EYA2: variants seen among roughly 807,000 people sequenced by gnomAD.
EYA2 encodes the protein EYA transcriptional coactivator and phosphatase 2, also known as protein phosphatase EYA2.
A neutral mutation model predicts 69.2 loss-of-function variants in EYA2; 31 were observed. That is an observed-to-expected ratio of 0.45 (90% CI 0.34 to 0.60). EYA2 has a LOEUF of 0.60. Ranked by LOEUF, EYA2 falls within the 20% of genes least tolerant of loss-of-function variation. The pLI, the probability that EYA2 is intolerant of heterozygous loss-of-function variation, is 0.02. For missense variants in EYA2, 622 were observed against 701.2 expected (o/e 0.89, Z 1.28); for synonymous variants, 257 against 279.4 (o/e 0.92, Z 0.80).
At chr20:47,090,134 T>C (rs1369424878) in intron 8 of EYA2, among the ~76,000 whole-genome samples, 1 of 151,934 alleles carries the variant, frequency 6.6e-6, no homozygotes, top group Non-Finnish European at 1.5e-5. Context: ...TCCTATTCCC[T>C]GAGGGTAGAA....
At chr20:47,042,841 A>G (rs958580424) in intron 5 of EYA2, among the ~76,000 whole-genome samples, 2 of 152,222 alleles carry the variant, frequency 1.3e-5, no homozygotes, top group African/African-American at 2.4e-5. Flanking sequence ...AGAAGGAGCA[A>G]TGCCACAATC....
intron 4 of EYA2, among the ~76,000 whole-genome samples, chr20:47,011,175 G>A (rs973365628): frequency 6.6e-6 from 1 of 152,168 alleles, no homozygotes; most frequent in South Asian, 2.1e-4. Flanking sequence ...CAACATTGAA[G>A]ATGGGGAAGC....
At chr20:47,079,563 C>T (rs376701098) in intron 7 of EYA2, among the ~76,000 whole-genome samples, 1 of 152,136 alleles carries the variant, frequency 6.6e-6, no homozygotes, top group Non-Finnish European at 1.5e-5. Flanking sequence ...CTCCCCATCT[C>T]GAAGTCCTTA....
chr20:46,941,757 T>C (rs1986163141), intron 1 of EYA2, among the ~76,000 whole-genome samples: 1 of 152,056 alleles, frequency 6.6e-6, no homozygotes, highest in Non-Finnish European at 1.5e-5. Context: ...ACATGGGTTC[T>C]TTTTTCTTTT....
At chr20:46,970,337 G>A (rs1437329794) in intron 1 of EYA2, among the ~76,000 whole-genome samples, 1 of 152,160 alleles carries the variant, frequency 6.6e-6, no homozygotes, top group African/African-American at 2.4e-5. Flanking sequence ...TAAAAATAGA[G>A]GAGAGGTTCT....
At chr20:46,965,756 G>A (rs4809607) in intron 1 of EYA2, among the ~76,000 whole-genome samples, 35,138 of 152,234 alleles carry the variant, frequency 0.23, 4,498 homozygotes, top group Admixed American at 0.4. Flanking sequence ...GCTCCCGTCC[G>A]CCGGGCTGTT....
At chr20:47,140,952 A>G (rs1029310219) in intron 9 of EYA2, among the ~76,000 whole-genome samples, 7 of 151,856 alleles carry the variant, frequency 4.6e-5, no homozygotes, top group African/African-American at 1.7e-4. Context: ...AACAACTCAC[A>G]CTCTTGGAAA....
intron 1 of EYA2, among the ~76,000 whole-genome samples, chr20:46,955,891 A>G (rs750627546): frequency 2.0e-5 from 3 of 152,222 alleles, no homozygotes; most frequent in Non-Finnish European, 4.4e-5. Context: ...ATAGCTTTGC[A>G]GGCCATGCAA....
chr20:47,155,902 C>T (rs999191583), intron 10 of EYA2, among the ~76,000 whole-genome samples: 13 of 150,474 alleles, frequency 8.6e-5, no homozygotes, highest in African/African-American at 2.9e-4. Flanking sequence ...GGGGGCCAGC[C>T]ATGGTGGCTC....
At chr20:46,953,593 A>C (rs1463065396) in intron 1 of EYA2, among the ~76,000 whole-genome samples, 1 of 152,118 alleles carries the variant, frequency 6.6e-6, no homozygotes, top group Admixed American at 6.5e-5. Flanking sequence ...ATTCTTCCTT[A>C]TGGCGCTGTC....
rs1210469382 is a variant in EYA2 at position 47,007,712 on chromosome 20, C to A, written c.298+2628C>A. ...CTCACTGCACCCTCCACCTCCCAGG[C>A]TCAAGCAATCCTCCTCCCTCACCCT... On this transcript the variant is annotated intron_variant, in intron 4 of 15. Coordinates refer to ENST00000327619, the MANE Select transcript of EYA2 (RefSeq NM_005244.5). Among the ~76,000 whole-genome samples, 13 of 152,178 alleles carry A rather than the reference C, an allele frequency of 8.5e-5. No homozygotes were observed. The South Asian group carries it at 1.0e-3, about 12-fold the overall frequency.
intron 10 of EYA2, among the ~76,000 whole-genome samples, chr20:47,166,049 G>T (rs1022880837): frequency 1.3e-5 from 2 of 151,904 alleles, no homozygotes; most frequent in African/African-American, 2.4e-5. Context: ...GAAAAAAAAT[G>T]AATGAGGCAG....
intron 9 of EYA2, among the ~76,000 whole-genome samples, chr20:47,112,736 T>TAAATCAG (rs1038955970): frequency 1.3e-5 from 2 of 151,936 alleles, no homozygotes; most frequent in Non-Finnish European, 2.9e-5. Flanking sequence ...TTGAGGTGAA[T>TAAATCAG]AAATCAGGAA....
At chr20:47,058,403 C>T (rs1190029074) in intron 5 of EYA2, among the ~76,000 whole-genome samples, 1 of 152,220 alleles carries the variant, frequency 6.6e-6, no homozygotes, top group African/African-American at 2.4e-5. Context: ...CACTCTATCC[C>T]AGGTCCCACT....
intron 5 of EYA2, among the ~76,000 whole-genome samples, chr20:47,044,327 A>G (rs2029920105): frequency 6.6e-6 from 1 of 152,168 alleles, no homozygotes; most frequent in South Asian, 2.1e-4. Context: ...CATTCAGCAT[A>G]TGTTGGGTGA....
intron 5 of EYA2, among the ~76,000 whole-genome samples, chr20:47,069,072 T>C (rs1029466779): frequency 5.3e-5 from 8 of 152,232 alleles, no homozygotes; most frequent in African/African-American, 1.9e-4. Flanking sequence ...AAAAGAAGTC[T>C]GTTGATTCAG....
chr20:47,010,698 C>A (rs1983004575), intron 4 of EYA2, among the ~76,000 whole-genome samples: 1 of 149,284 alleles, frequency 6.7e-6, no homozygotes, highest in African/African-American at 2.5e-5. Context: ...TGTATGTGTA[C>A]AAATATAAAT....
At chr20:47,118,307 T>C (rs1034422715) in intron 9 of EYA2, among the ~76,000 whole-genome samples, 2 of 152,210 alleles carry the variant, frequency 1.3e-5, no homozygotes, top group Admixed American at 6.5e-5. Flanking sequence ...AAGGATGACT[T>C]TGATTGGGCT....
At chr20:47,151,896 G>A (rs986180624) in intron 10 of EYA2, among the ~76,000 whole-genome samples, 4 of 151,976 alleles carry the variant, frequency 2.6e-5, no homozygotes, top group African/African-American at 9.7e-5. Flanking sequence ...GTTTCTTGAC[G>A]GTTGATGATC....
Sources: gnomAD v4.1 joint callset for allele counts (sites outside exome capture counted in the v4.1 genomes callset) on GRCh38, gnomAD v4.1.1 for gene constraint, MANE v1.5 for transcripts, NCBI Gene and HGNC (gene_info 2026-07-23, HGNC 2026-07-21) for gene names.